Variants in USP10 observed in about 807,000 individuals in gnomAD.
USP10 encodes ubiquitin carboxyl-terminal hydrolase 10.
A neutral mutation model predicts 84.5 loss-of-function variants in USP10; 22 were observed. The observed-to-expected ratio is 0.26, with a 90% CI of 0.19 to 0.37. USP10 has a LOEUF of 0.37. USP10 is among the 10% of genes least tolerant of loss of function. USP10 has a pLI of 1.00. For missense variants in USP10, 1,019 were observed against 998.9 expected (o/e 1.02, Z -0.27); for synonymous variants, 454 against 387.6 (o/e 1.17, Z -2.01).
chr16:84,704,008 A>C (rs1905192752), intron 1 of USP10, among the ~76,000 whole-genome samples: 1 of 152,242 alleles, frequency 6.6e-6, no homozygotes, highest in South Asian at 2.1e-4. Flanking sequence ...AACTTAAAGG[A>C]GAAAAGGATT....
chr16:84,715,370 C>T (rs1906877532), intron 1 of USP10, among the ~76,000 whole-genome samples: 1 of 152,202 alleles, frequency 6.6e-6, no homozygotes, highest in Admixed American at 6.5e-5. Context: ...AACAACTGGG[C>T]ACGTTACAAG....
intron 1 of USP10, among the ~76,000 whole-genome samples, chr16:84,718,047 G>A (rs930317855): frequency 6.6e-6 from 1 of 152,186 alleles, no homozygotes; most frequent in African/African-American, 2.4e-5. Flanking sequence ...GAGAGATTGG[G>A]AGATTACTTG....
Position 84,769,844 on chromosome 16 carries a change from C to T in USP10, c.1998+1486C>T, listed in dbSNP as rs559678641. On this transcript the variant is annotated intron_variant, in intron 11 of 13. Transcript: ENST00000219473. ...TGCTGGGGTGGGCTGGTAGGGGTGG[C>T]GGTGTGGGGGCAGGGGTTGAGGCGC... is the stretch of plus-strand genomic sequence containing the variant. Among the ~76,000 whole-genome samples the T allele has an allele frequency of 2.7e-5, 4 of 149,366 alleles. No individual in the cohort carries two copies. The East Asian group carries it at 7.9e-4, about 30-fold the overall frequency.
chr16:84,749,033 G>C (rs1911585399), intron 4 of USP10, among the ~76,000 whole-genome samples: 2 of 152,180 alleles, frequency 1.3e-5, no homozygotes, highest in Admixed American at 1.3e-4. Context: ...CCTGTTTGTT[G>C]AGGCTTCGAT....
At chr16:84,777,243 T>C (rs939312409) in intron 13 of USP10, among the ~76,000 whole-genome samples, 6 of 152,230 alleles carry the variant, frequency 3.9e-5, no homozygotes, top group African/African-American at 1.2e-4. Flanking sequence ...ACTGGGCTGC[T>C]GCTTATGAAA....
intron 1 of USP10, among the ~76,000 whole-genome samples, chr16:84,730,117 C>T (rs1909015251): frequency 6.6e-6 from 1 of 152,220 alleles, no homozygotes; most frequent in African/African-American, 2.4e-5. Flanking sequence ...CCCCTCCACT[C>T]CTGTCTGCGT....
intron 1 of USP10, among the ~76,000 whole-genome samples, chr16:84,725,037 T>C (rs1054908486): frequency 1.3e-5 from 2 of 152,244 alleles, no homozygotes; most frequent in South Asian, 2.1e-4. Context: ...TATTGAGATA[T>C]AATTCACATG....
chr16:84,743,413 G>T (rs538442808), intron 3 of USP10, among the ~76,000 whole-genome samples: 2 of 152,146 alleles, frequency 1.3e-5, no homozygotes, highest in Non-Finnish European at 2.9e-5. Flanking sequence ...TCACTTGCAC[G>T]TAACTGGCCC....
Position 84,762,966 on chromosome 16 carries a change from G to C in USP10, c.1555-23G>C, listed in dbSNP as rs12599947. The C allele has an allele frequency of 4.6e-5, 70 of 1,523,708 alleles. 1 individual carries two copies. The East Asian group carries it at 5.4e-4, about 12-fold the overall frequency. 94.4% of individuals were successfully genotyped at this position (1,523,708 alleles called of 1,614,324 possible). On this transcript the variant is annotated intron_variant, in intron 8 of 13. Coordinates refer to ENST00000219473, the MANE Select transcript of USP10 (RefSeq NM_005153.3). ...TTGACAGTGATCAGTTCACAGTAAC[G>C]TGATTATATTTGACCTTTTCAGGGT...
intron 4 of USP10, among the ~76,000 whole-genome samples, chr16:84,757,278 T>C (rs1040469367): frequency 6.6e-6 from 1 of 152,100 alleles, no homozygotes. Flanking sequence ...TTAAACAGAT[T>C]CCACAGAATC....
At chr16:84,709,298 A>C (rs1258998748) in intron 1 of USP10, 1 of 152,248 alleles carries the variant, frequency 6.6e-6, no homozygotes, top group Non-Finnish European at 1.5e-5. Context: ...TTACAGCATG[A>C]GACAGTGGGG....
rs188745954 is a variant in USP10 at position 84,778,857 on chromosome 16, G to A, written c.2210-38G>A. On this transcript the variant is annotated intron_variant, in intron 13 of 13. Transcript: ENST00000219473. ...AGACCTGTAATGATTCGTGTGCAGT[G>A]CTGTTCTCACTCTGCTGCCTGCTGG... 2.1e-4 allele frequency: 330 copies of A among 1,592,070 alleles called. 1 individual carries two copies. In the African/African-American group the frequency reaches 3.5e-3, roughly 17 times the overall value.
Position 84,745,382 on chromosome 16 carries a change from G to A in USP10, c.901G>A (p.Gly301Arg), listed in dbSNP as rs761784210. ...CTCGGGTGAGGGCACAGCTACCAAC[G>A]GGGTGGAGTTGCACACCACGGAAAG... ...ESSGEGTATN[G>R]VELHTTESID... The change falls in exon 4 of 14, where the codon GGG becomes AGG. Residue 301 changes from glycine (G) to arginine (R), a missense_variant. Gly to Arg is a moderately radical substitution (Grantham distance 125, BLOSUM62 -2). Around this residue, in one of 2 missense-constraint regions of USP10, gnomAD observed 787 missense variants for 708.8 expected, o/e 1.11. Coordinates refer to ENST00000219473, the MANE Select transcript of USP10 (RefSeq NM_005153.3). 13 of 1,613,298 alleles carry A rather than the reference G, an allele frequency of 8.1e-6. No individual in the cohort carries two copies. Among genetic ancestry groups the A allele is most frequent in the Admixed American group, 1.7e-5 (1 of 59,990 alleles).
intron 12 of USP10, among the ~76,000 whole-genome samples, chr16:84,774,840 T>G (rs1914828028): frequency 6.6e-6 from 1 of 152,226 alleles, no homozygotes; most frequent in East Asian, 1.9e-4. Context: ...CACAACTGTT[T>G]TTGTTTTTAA....
intron 13 of USP10, among the ~76,000 whole-genome samples, chr16:84,776,587 C>G (rs938858971): frequency 6.6e-6 from 1 of 152,054 alleles, no homozygotes; most frequent in Non-Finnish European, 1.5e-5. Context: ...AGTGTGGCAC[C>G]CAGGTCCCAG....
intron 4 of USP10, 49 bp from the exon 5 acceptor site, chr16:84,758,667 C>T (rs764113091): frequency 3.1e-6 from 4 of 1,296,448 alleles, no homozygotes; most frequent in Non-Finnish European, 2.2e-6. Context: ...TTTGAATGTT[C>T]TTCACTAGAT....
chr16:84,720,941 T>G (rs1907719241), intron 1 of USP10, among the ~76,000 whole-genome samples: 1 of 149,400 alleles, frequency 6.7e-6, no homozygotes, highest in Non-Finnish European at 1.5e-5. Context: ...TTGCCCAGGC[T>G]GGAGTGCAGT....
At chr16:84,718,913 C>T (rs948505909) in intron 1 of USP10, among the ~76,000 whole-genome samples, 11 of 151,854 alleles carry the variant, frequency 7.2e-5, no homozygotes, top group African/African-American at 1.9e-4. Context: ...CTGCCTTAGC[C>T]TCCCGAGTAG....
At chr16:84,701,439 G>A (rs1426570576) in intron 1 of USP10, among the ~76,000 whole-genome samples, 2 of 152,108 alleles carry the variant, frequency 1.3e-5, no homozygotes, top group Non-Finnish European at 2.9e-5. Flanking sequence ...AAGATTTTAA[G>A]AGATTTGGTG....
Sources: allele counts gnomAD v4.1 joint callset (sites outside exome capture counted in the v4.1 genomes callset), GRCh38; gene constraint gnomAD v4.1.1; regional missense constraint gnomAD v4.1.1; transcripts MANE v1.5; gene names NCBI Gene and HGNC (gene_info 2026-07-23, HGNC 2026-07-21).